Variants in UNC5C observed in about 807,000 individuals in gnomAD.
UNC5C encodes netrin receptor UNC5C.
Under a neutral mutation model 99.8 loss-of-function variants are expected in UNC5C, and 47 were observed. The ratio of observed to expected loss-of-function variants is 0.47; its 90% confidence interval spans 0.37 to 0.60. The LOEUF (loss-of-function observed/expected upper bound fraction) is 0.60. Ranked by LOEUF, UNC5C falls within the 20% of genes least tolerant of loss-of-function variation. The probability of loss-of-function intolerance (pLI) is 0.00; values close to 1 mark genes in which losing one functional copy is unlikely to be tolerated. For missense variants in UNC5C, 1,062 were observed against 1,165.9 expected (o/e 0.91, Z 1.30); for synonymous variants, 487 against 452.2 (o/e 1.08, Z -0.98).
At chr4:95,395,733 T>C (rs1745491351) in intron 1 of UNC5C, among the ~76,000 whole-genome samples, 1 of 152,208 alleles carries the variant, frequency 6.6e-6, no homozygotes, top group Non-Finnish European at 1.5e-5. Flanking sequence ...AGATCCACTA[T>C]TTCTTCAGCA....
chr4:95,450,943 G>A (rs1340122871), intron 1 of UNC5C, among the ~76,000 whole-genome samples: 1 of 152,072 alleles, frequency 6.6e-6, no homozygotes, highest in African/African-American at 2.4e-5. Flanking sequence ...GTAGCATAAA[G>A]AACATATGTA....
chr4:95,392,573 C>T (rs151066469), intron 1 of UNC5C, among the ~76,000 whole-genome samples: 3 of 152,076 alleles, frequency 2.0e-5, no homozygotes, highest in African/African-American at 7.2e-5. Context: ...GCTGGGACTA[C>T]AGGCATGCAC....
chr4:95,298,268 C>T lies in UNC5C; in HGVS notation c.490+3338G>A, dbSNP rs536597881. ...CTGAGGCTGCAATGAGCTGTGTTTG[C>T]GCCACTGCACTCCAGCCTGGTGACA... On this transcript the variant is annotated intron_variant, in intron 3 of 15. Transcript: ENST00000453304. Among the ~76,000 whole-genome samples, 36 of 152,192 alleles carry T rather than the reference C, an allele frequency of 2.4e-4. No individual in the cohort carries two copies. The South Asian group carries it at 6.7e-3, about 28-fold the overall frequency.
intron 4 of UNC5C, among the ~76,000 whole-genome samples, chr4:95,261,040 C>T (rs2149386556): frequency 6.6e-6 from 1 of 152,250 alleles, no homozygotes; most frequent in East Asian, 1.9e-4. Flanking sequence ...TCAGGACCGC[C>T]TGAGCTCTGG....
At chr4:95,478,983 C>T (rs1032669300) in intron 1 of UNC5C, among the ~76,000 whole-genome samples, 3 of 151,948 alleles carry the variant, frequency 2.0e-5, no homozygotes, top group Non-Finnish European at 4.4e-5. Flanking sequence ...GACACACTGG[C>T]TCTCCTCGCC....
chr4:95,166,969 G>A lies in UNC5C; in HGVS notation c.*2265C>T, dbSNP rs184813424. 2.2e-5 allele frequency: 3 copies of A among 136,858 alleles called. No homozygotes were observed. In the East Asian group the frequency reaches 6.0e-4, roughly 28 times the overall value. 8.5% of individuals were successfully genotyped at this position (136,858 alleles called of 1,614,324 possible). A position where few individuals can be genotyped will look rare whatever the true frequency, so the allele number is the denominator to read the frequency against. ...GAAATCCTAATGCAGGGGGTGGGCT[G>A]AGAGAGATTTTATAGAATATATGTA... is the stretch of plus-strand genomic sequence containing the variant. On this transcript the variant is annotated 3_prime_UTR_variant, in exon 16 of 16. Transcript: ENST00000453304.
chr4:95,511,573 C>T (rs756487520), intron 1 of UNC5C, among the ~76,000 whole-genome samples: 2 of 152,132 alleles, frequency 1.3e-5, no homozygotes, highest in Non-Finnish European at 2.9e-5. Flanking sequence ...CATCTCTTCA[C>T]TTAGTAGGTA....
At chr4:95,277,448 C>A (rs1464887183) in intron 4 of UNC5C, among the ~76,000 whole-genome samples, 1 of 152,154 alleles carries the variant, frequency 6.6e-6, no homozygotes, top group Non-Finnish European at 1.5e-5. Flanking sequence ...TCCTAATAAT[C>A]ATTTAAAGGG....
chr4:95,334,929 A>G (rs1331534719), intron 2 of UNC5C, among the ~76,000 whole-genome samples: 2 of 152,156 alleles, frequency 1.3e-5, no homozygotes, highest in East Asian at 1.9e-4. Flanking sequence ...GTAAGTTATG[A>G]GTATAAGATA....
chr4:95,318,369 G>T (rs1211126278), intron 2 of UNC5C, among the ~76,000 whole-genome samples: 3 of 152,126 alleles, frequency 2.0e-5, no homozygotes, highest in Non-Finnish European at 4.4e-5. Flanking sequence ...GCTCCCCGAG[G>T]AGGGCAGCTC....
intron 1 of UNC5C, among the ~76,000 whole-genome samples, chr4:95,344,423 C>G (rs1424897454): frequency 2.6e-5 from 4 of 152,072 alleles, no homozygotes; most frequent in African/African-American, 9.7e-5. Context: ...CAACACCAGA[C>G]CTGCCCTACA....
intron 10 of UNC5C, among the ~76,000 whole-genome samples, chr4:95,214,942 C>T (rs894545142): frequency 6.6e-6 from 1 of 152,114 alleles, no homozygotes; most frequent in East Asian, 1.9e-4. Flanking sequence ...TAAATACAAG[C>T]CTTTTAGTGA....
intron 12 of UNC5C, among the ~76,000 whole-genome samples, chr4:95,188,674 G>C (rs1283122729): frequency 6.6e-6 from 1 of 152,160 alleles, no homozygotes; most frequent in Non-Finnish European, 1.5e-5. Flanking sequence ...ATATGATACA[G>C]ATATGTAAGA....
Position 95,483,004 on chromosome 4 carries a change from TATAATAATAATAATA to T in UNC5C, c.124+65715_124+65729del, listed in dbSNP as rs71970821. On this transcript the variant is annotated intron_variant, in intron 1 of 15. Coordinates refer to ENST00000453304, the MANE Select transcript of UNC5C (RefSeq NM_003728.4). ...TGCACATGTACCCTAAAACTTAAAG[TATAATAATAATAATA>T]ATAATAATAATAATAATAATAATAA... Among the ~76,000 whole-genome samples, 419 of 103,430 alleles carry T rather than the reference TATAATAATAATAATA, an allele frequency of 4.1e-3. 3 individuals are homozygous for T. The highest frequency in any genetic ancestry group is 0.028 in the East Asian group (111 of 3,984). 67.9% of individuals were successfully genotyped at this position (103,430 alleles called of 152,430 possible). A position where few individuals can be genotyped will look rare whatever the true frequency, so the allele number is the denominator to read the frequency against.
chr4:95,312,502 T>G (rs1742311911), intron 2 of UNC5C, among the ~76,000 whole-genome samples: 1 of 152,200 alleles, frequency 6.6e-6, no homozygotes, highest in Non-Finnish European at 1.5e-5. Flanking sequence ...CTACTGTGCA[T>G]CTCAGTTAAT....
At chr4:95,501,180 CAT>C (rs1484591761) in intron 1 of UNC5C, among the ~76,000 whole-genome samples, 1 of 152,160 alleles carries the variant, frequency 6.6e-6, no homozygotes, top group East Asian at 1.9e-4. Flanking sequence ...GCAATAAATA[CAT>C]GATAGTACAA....
intron 7 of UNC5C, among the ~76,000 whole-genome samples, chr4:95,238,893 G>GT (rs1167736673): frequency 1.3e-5 from 2 of 151,902 alleles, no homozygotes; most frequent in Admixed American, 1.3e-4. Flanking sequence ...CATTCCATTT[G>GT]TTTTTTTCTC....
chr4:95,297,716 C>A (rs1741710706), intron 3 of UNC5C, among the ~76,000 whole-genome samples: 1 of 152,222 alleles, frequency 6.6e-6, no homozygotes. Flanking sequence ...TTAGCCCTTT[C>A]AAATCATCCT....
chr4:95,356,212 A>G (rs1485675100), intron 1 of UNC5C, among the ~76,000 whole-genome samples: 12 of 77,362 alleles, frequency 1.6e-4, no homozygotes, highest in Admixed American at 1.4e-3. Context: ...AAAAAAAAAA[A>G]CAAAACAAAA....
Sources: gnomAD v4.1 joint callset for allele counts (sites outside exome capture counted in the v4.1 genomes callset) on GRCh38, gnomAD v4.1.1 for gene constraint, MANE v1.5 for transcripts, NCBI Gene and HGNC (gene_info 2026-07-23, HGNC 2026-07-21) for gene names.